Variants in APTX observed in about 807,000 individuals in gnomAD.
The protein encoded by APTX is aprataxin, also known as forkhead-associated domain histidine triad-like protein.
In APTX, 33 loss-of-function variants were observed where a neutral mutation model predicts 42.3. The ratio of observed to expected loss-of-function variants is 0.78; its 90% CI spans 0.59 to 1.04. The LOEUF (loss-of-function observed/expected upper bound fraction) is 1.04. Among genes scored for constraint, APTX ranks in the 50% least tolerant of loss-of-function variants. The pLI is 0.00. For missense variants in APTX, 421 were observed against 415.1 expected (o/e 1.01, Z -0.12); for synonymous variants, 130 against 146.7 (o/e 0.89, Z 0.82).
intron 7 of APTX, 141 bp from the exon 8 acceptor site, chr9:32,973,793 A>G (rs980434888): frequency 8.9e-7 from 1 of 1,128,162 alleles, no homozygotes; most frequent in Non-Finnish European, 1.3e-6. Context: ...AGCTTAGTTT[A>G]GACTTCCCTC....
At chr9:32,990,125 C>T in intron 1 of APTX, 1 of 581,892 alleles carries the variant, frequency 1.7e-6, no homozygotes, top group Admixed American at 3.0e-5. Context: ...TACCTCCCTG[C>T]CTGAATCATG....
At chr9:33,017,567 G>C (rs974514532) in intron 1 of APTX, among the ~76,000 whole-genome samples, 2 of 151,880 alleles carry the variant, frequency 1.3e-5, no homozygotes, top group African/African-American at 4.8e-5. Flanking sequence ...TCCAATTTAT[G>C]AATTCTGATA....
intron 1 of APTX, among the ~76,000 whole-genome samples, chr9:32,991,340 A>C (rs531520921): frequency 1.3e-5 from 2 of 152,374 alleles, no homozygotes; most frequent in Admixed American, 6.5e-5. Flanking sequence ...CATGTGGACT[A>C]TCAGTAAAAG....
intron 3 of APTX, 39 bp from the exon 4 acceptor site, chr9:32,987,885 C>T (rs1186854439): frequency 2.5e-6 from 4 of 1,605,902 alleles, no homozygotes; most frequent in Non-Finnish European, 2.6e-6. Context: ...ATAATAATAG[C>T]AACAGCACCT....
chr9:33,001,204 C>T (rs1836357206), intron 1 of APTX: 1 of 1,012,140 alleles, frequency 9.9e-7, no homozygotes, highest in Non-Finnish European at 1.3e-6. Flanking sequence ...GCTAAGGTCC[C>T]TCAAGTGCCT....
intron 1 of APTX, among the ~76,000 whole-genome samples, chr9:33,007,843 C>T (rs1837268590): frequency 6.6e-6 from 1 of 151,966 alleles, no homozygotes. Flanking sequence ...TACACTGTCT[C>T]CCCAACGCTC....
intron 1 of APTX, among the ~76,000 whole-genome samples, chr9:33,014,632 C>G (rs1180735817): frequency 3.3e-5 from 5 of 152,182 alleles, no homozygotes; most frequent in Admixed American, 3.3e-4. Flanking sequence ...GGGTCTTGTC[C>G]GTTAGACATT....
chr9:32,989,002 A>G (rs1046229627), intron 2 of APTX, among the ~76,000 whole-genome samples: 2 of 152,192 alleles, frequency 1.3e-5, no homozygotes, highest in Non-Finnish European at 2.9e-5. Flanking sequence ...AAGAAGAACC[A>G]CCATAGCTGC....
intron 1 of APTX, among the ~76,000 whole-genome samples, chr9:33,017,588 A>G (rs1407322854): frequency 6.6e-6 from 1 of 152,208 alleles, no homozygotes; most frequent in East Asian, 1.9e-4. Context: ...GGACACAAAC[A>G]TTCAGACCAC....
intron 1 of APTX, among the ~76,000 whole-genome samples, chr9:32,999,588 A>C (rs555246835): frequency 6.6e-6 from 1 of 152,362 alleles, no homozygotes; most frequent in African/African-American, 2.4e-5. Context: ...CAAAAGGAAA[A>C]GGGTATAAAT....
chr9:32,987,889 A>T, intron 3 of APTX, 43 bp from the exon 4 acceptor site: 1 of 1,604,128 alleles, frequency 6.2e-7, no homozygotes, highest in Non-Finnish European at 8.5e-7. Flanking sequence ...TAATAGCAAC[A>T]GCACCTACAG....
chr9:32,995,016 A>G (rs1834488564), intron 1 of APTX, among the ~76,000 whole-genome samples: 1 of 152,208 alleles, frequency 6.6e-6, no homozygotes, highest in African/African-American at 2.4e-5. Context: ...TAAAAAAAAG[A>G]TTCCTTTCAA....
At chr9:33,014,425 A>G (rs1837755859) in intron 1 of APTX, among the ~76,000 whole-genome samples, 1 of 152,280 alleles carries the variant, frequency 6.6e-6, no homozygotes, top group African/African-American at 2.4e-5. Flanking sequence ...ACCCAACAGT[A>G]GAATAAATAT....
At chr9:33,011,915 T>C (rs1470668701) in intron 1 of APTX, among the ~76,000 whole-genome samples, 1 of 152,202 alleles carries the variant, frequency 6.6e-6, no homozygotes, top group Non-Finnish European at 1.5e-5. Context: ...CCACTTGTCT[T>C]TCTTACTGCA....
rs759047488 is a variant in APTX, at chr9:32,986,051, AAAAC to A, written c.484-25_484-22del. ...GATTCCTAAAAAAAAAACAAAAAAAAAAACAAAAAAAAAAAAAAACAAGCAATGT... is the reference window on the plus strand; with the variant it reads ...GATTCCTAAAAAAAAAACAAAAAAAAAAAAAAAAAAAAAAACAAGCAATGT... On this transcript the variant is annotated intron_variant, in intron 4 of 7. Coordinates refer to ENST00000379817, the MANE Select transcript of APTX (RefSeq NM_001195248.2). 61 of 669,158 alleles carry A rather than the reference AAAAC, an allele frequency of 9.1e-5. No homozygotes were observed. The African/African-American group carries it at 1.2e-3, about 13-fold the overall frequency. The allele number at this position is 669,158 out of a possible 1,614,324, so 41.5% of individuals were successfully genotyped here. A position where few individuals can be genotyped will look rare whatever the true frequency, so the allele number is the denominator to read the frequency against.
intron 1 of APTX, among the ~76,000 whole-genome samples, chr9:33,022,908 C>A (rs747017189): frequency 1.3e-5 from 2 of 152,210 alleles, no homozygotes; most frequent in Non-Finnish European, 2.9e-5. Context: ...GTGGTGCAAT[C>A]ACCACTCACT....
chr9:33,016,669 TCC>T (rs60192650), intron 1 of APTX, among the ~76,000 whole-genome samples: 1 of 147,648 alleles, frequency 6.8e-6, no homozygotes, highest in Non-Finnish European at 1.5e-5. Context: ...TGCATTACAC[TCC>T]CCCCCCCATT....
chr9:32,973,825 A>T (rs953829078), intron 7 of APTX, 173 bp from the exon 8 acceptor site: 2 of 807,198 alleles, frequency 2.5e-6, no homozygotes, highest in Non-Finnish European at 4.1e-6. Flanking sequence ...GCTTAATCAG[A>T]TTATAAATAT....
upstream of APTX, chr9:33,001,643 G>C (rs1258044372): frequency 6.2e-7 from 1 of 1,612,538 alleles, no homozygotes; most frequent in East Asian, 2.2e-5. Flanking sequence ...GATGACGTCA[G>C]AGGCCGGCTG....
Sources: allele counts gnomAD v4.1 joint callset (sites outside exome capture counted in the v4.1 genomes callset), GRCh38; gene constraint gnomAD v4.1.1; transcripts MANE v1.5; gene names NCBI Gene and HGNC (gene_info 2026-07-23, HGNC 2026-07-21).